DPP10: variants seen among roughly 807,000 people sequenced by gnomAD.
DPP10 encodes inactive dipeptidyl peptidase 10.
In DPP10, 33 loss-of-function variants were observed where a neutral mutation model predicts 120.9. The ratio of observed to expected loss-of-function variants is 0.27; its 90% CI spans 0.21 to 0.37. DPP10 has a LOEUF of 0.37. DPP10 is among the 10% of genes least tolerant of loss of function. DPP10 has a pLI of 1.00. For missense variants in DPP10, 816 were observed against 942.8 expected (o/e 0.87, Z 1.76); for synonymous variants, 337 against 326.1 (o/e 1.03, Z -0.36).
chr2:114,680,491 C>T (rs968757339), intron 1 of DPP10, among the ~76,000 whole-genome samples: 5 of 151,978 alleles, frequency 3.3e-5, no homozygotes, highest in Non-Finnish European at 5.9e-5. Context: ...TAGATTCCTA[C>T]TTTTTAAGAA....
intron 3 of DPP10, among the ~76,000 whole-genome samples, chr2:115,442,363 T>TTGTGTGTGTGTGTG (rs555025083): frequency 2.3e-4 from 34 of 147,350 alleles, no homozygotes; most frequent in Admixed American, 8.2e-4. Context: ...GTGTGTGTGT[T>TTGTGTGTGTGTGTG]TGTGTGTGTG....
chr2:114,912,282 A>G (rs542771803), intron 1 of DPP10, among the ~76,000 whole-genome samples: 36 of 152,262 alleles, frequency 2.4e-4, no homozygotes, highest in African/African-American at 8.4e-4. Flanking sequence ...TCCCTCTACT[A>G]TATAACCACT....
At chr2:115,148,358 G>A (rs1054637587) in intron 1 of DPP10, among the ~76,000 whole-genome samples, 11 of 152,108 alleles carry the variant, frequency 7.2e-5, no homozygotes, top group Non-Finnish European at 1.5e-4. Flanking sequence ...ACCTTGAGAT[G>A]AGGATCTCAG....
At chr2:115,389,037 C>A (rs1388426680) in intron 3 of DPP10, among the ~76,000 whole-genome samples, 3 of 152,170 alleles carry the variant, frequency 2.0e-5, no homozygotes, top group African/African-American at 7.2e-5. Flanking sequence ...ACTTCTCCAA[C>A]TTTCCTTTAC....
At chr2:115,411,192 C>T (rs112996250) in intron 3 of DPP10, among the ~76,000 whole-genome samples, 421 of 152,034 alleles carry the variant, frequency 2.8e-3, no homozygotes, top group African/African-American at 9.7e-3. Context: ...ATTAGCCGGG[C>T]ATGGTGGCGC....
At chr2:114,739,797 A>G (rs1677843727) in intron 1 of DPP10, among the ~76,000 whole-genome samples, 1 of 152,202 alleles carries the variant, frequency 6.6e-6, no homozygotes, top group African/African-American at 2.4e-5. Context: ...TTTCAAACTA[A>G]GAGCCCCTCA....
At chr2:115,685,577 A>C (rs993622734) in intron 5 of DPP10, among the ~76,000 whole-genome samples, 1 of 152,030 alleles carries the variant, frequency 6.6e-6, no homozygotes, top group Non-Finnish European at 1.5e-5. Flanking sequence ...ATAGTTACAT[A>C]ATTAGTATTC....
intron 21 of DPP10, among the ~76,000 whole-genome samples, chr2:115,832,789 G>A (rs1689067326): frequency 6.6e-6 from 1 of 152,094 alleles, no homozygotes; most frequent in Admixed American, 6.6e-5. Flanking sequence ...ATGTGGGTCG[G>A]GGAGAGCACT....
At chr2:115,664,299 A>G (rs34140584) in intron 5 of DPP10, among the ~76,000 whole-genome samples, 18,266 of 152,024 alleles carry the variant, frequency 0.12, 1,345 homozygotes, top group Non-Finnish European at 0.16. Context: ...ATAATTACCA[A>G]TGTTATAAAA....
At chr2:114,460,718 A>G (rs531042063) in intron 1 of DPP10, among the ~76,000 whole-genome samples, 92 of 152,308 alleles carry the variant, frequency 6.0e-4, no homozygotes, top group Admixed American at 2.0e-3. Flanking sequence ...TTCTGTATAT[A>G]AACTAATAAA....
intron 4 of DPP10, among the ~76,000 whole-genome samples, chr2:115,501,080 A>C (rs747682773): frequency 6.6e-6 from 1 of 151,990 alleles, no homozygotes; most frequent in South Asian, 2.1e-4. Flanking sequence ...AATTGAGTGC[A>C]TTTTAATTTT....
chr2:115,815,876 T>C, intron 21 of DPP10, 147 bp downstream of exon 21: 1 of 772,834 alleles, frequency 1.3e-6, no homozygotes, highest in Non-Finnish European at 2.2e-6. Flanking sequence ...AACCTCACTG[T>C]AGCAAGATTT....
At chr2:114,464,765 T>C (rs1679209973) in intron 1 of DPP10, among the ~76,000 whole-genome samples, 2 of 152,170 alleles carry the variant, frequency 1.3e-5, no homozygotes, top group Non-Finnish European at 2.9e-5. Flanking sequence ...CTTGTGAGTC[T>C]GAGGCGGGAG....
chr2:115,744,934 A>G (rs376042416), intron 9 of DPP10, among the ~76,000 whole-genome samples: 3 of 150,448 alleles, frequency 2.0e-5, no homozygotes, highest in African/African-American at 7.3e-5. Context: ...CATAAGGATA[A>G]TGGCATATTG....
chr2:114,846,020 T>A (rs1688522288), intron 1 of DPP10, among the ~76,000 whole-genome samples: 1 of 152,120 alleles, frequency 6.6e-6, no homozygotes. Context: ...TATTTTTGTA[T>A]GTTGGATCTC....
chr2:114,630,267 T>G (rs1694822386), intron 1 of DPP10, among the ~76,000 whole-genome samples: 1 of 152,176 alleles, frequency 6.6e-6, no homozygotes. Context: ...AACTTACTGG[T>G]CGTGACCTCT....
At chr2:115,233,936 G>A (rs753087997) in intron 1 of DPP10, 2 of 518,206 alleles carry the variant, frequency 3.9e-6, no homozygotes, top group Non-Finnish European at 7.7e-6. Flanking sequence ...TGGATTTAAA[G>A]CTTAGAAAGT....
At chr2:115,675,421 AAAG>A (rs1165087926) in intron 5 of DPP10, among the ~76,000 whole-genome samples, 2 of 140,140 alleles carry the variant, frequency 1.4e-5, no homozygotes. Flanking sequence ...CCTCCTCCAC[AAAG>A]AAGAACCATA....
intron 7 of DPP10, among the ~76,000 whole-genome samples, chr2:115,715,339 CAAAAAAAAAAA>C (rs546857779): frequency 4.7e-4 from 32 of 67,664 alleles, no homozygotes; most frequent in Admixed American, 2.7e-3. Context: ...AACTCCGTCT[CAAAAAAAAAAA>C]AAAAAAAAAA....
Sources: allele counts gnomAD v4.1 joint callset (sites outside exome capture counted in the v4.1 genomes callset), GRCh38; gene constraint gnomAD v4.1.1; transcripts MANE v1.5; gene names NCBI Gene and HGNC (gene_info 2026-07-23, HGNC 2026-07-21).